Variants in CTNNA2 observed in about 807,000 individuals in gnomAD.
CTNNA2 encodes catenin alpha-2.
Under a neutral mutation model 101.0 loss-of-function variants are expected in CTNNA2, and 42 were observed. The ratio of observed to expected loss-of-function variants is 0.42; its 90% CI spans 0.32 to 0.54. The LOEUF is 0.54. Among genes scored for constraint, CTNNA2 ranks in the 20% least tolerant of loss-of-function variants. The pLI is 0.14. For missense variants in CTNNA2, 871 were observed against 1,223.1 expected (o/e 0.71, Z 4.29); for synonymous variants, 450 against 456.4 (o/e 0.99, Z 0.18).
chr2:79,896,463 G>A (rs1684722148), intron 6 of CTNNA2, among the ~76,000 whole-genome samples: 1 of 152,166 alleles, frequency 6.6e-6, no homozygotes, highest in African/African-American at 2.4e-5. Context: ...GTTCACTGTA[G>A]TGACCTATTT....
intron 18 of CTNNA2, among the ~76,000 whole-genome samples, chr2:80,623,424 A>AT (rs1285410686): frequency 3.3e-5 from 5 of 151,910 alleles, no homozygotes; most frequent in African/African-American, 1.2e-4. Flanking sequence ...AGAGGGAGGA[A>AT]TATCTCAGAA....
chr2:79,642,375 A>T (rs1181077418), intron 1 of CTNNA2, among the ~76,000 whole-genome samples: 1 of 152,226 alleles, frequency 6.6e-6, no homozygotes, highest in Non-Finnish European at 1.5e-5. Flanking sequence ...TAGACATTGC[A>T]TATCACTGCA....
intron 13 of CTNNA2, among the ~76,000 whole-genome samples, chr2:80,576,791 A>AAAAAC (rs1695091714): frequency 7.0e-6 from 1 of 142,352 alleles, no homozygotes; most frequent in Non-Finnish European, 1.5e-5. Flanking sequence ...TCTACTGAAA[A>AAAAAC]AAAAAAAAAA....
At chr2:79,381,500 G>C (rs886594396) in intron 4 of CTNNA2, among the ~76,000 whole-genome samples, 3 of 152,198 alleles carry the variant, frequency 2.0e-5, no homozygotes, top group Non-Finnish European at 4.4e-5. Flanking sequence ...AAATACACTT[G>C]AGTTGCATCT....
chr2:79,689,071 T>A (rs1684120961), intron 2 of CTNNA2, among the ~76,000 whole-genome samples: 2 of 151,458 alleles, frequency 1.3e-5, no homozygotes. Context: ...CAAACACAAC[T>A]GAAGACATCA....
At position 79,550,662 on chromosome 2, in the gene CTNNA2, T is replaced by C. The variant is rs140865467; in HGVS notation, c.-6+37455T>C. 5.3e-4 allele frequency among the ~76,000 whole-genome samples: 80 copies of C among 152,372 alleles called. 1 individual carries two copies. The East Asian group carries it at 8.9e-3, about 17-fold the overall frequency. Reference sequence around the variant, plus strand: ...TTTACTTATTCTTTCCTTTATTCTTTCATTCAGTATCTTTTTATACCAAAT... The same window carrying C: ...TTTACTTATTCTTTCCTTTATTCTTCCATTCAGTATCTTTTTATACCAAAT... On this transcript the variant is annotated intron_variant, in intron 1 of 18. Transcript: ENST00000402739.
chr2:79,952,735 C>T (rs1035340192), intron 7 of CTNNA2, among the ~76,000 whole-genome samples: 11 of 152,064 alleles, frequency 7.2e-5, no homozygotes, highest in Non-Finnish European at 1.2e-4. Flanking sequence ...TATGGCCTGG[C>T]GCATGTTTTT....
At chr2:79,282,172 G>A (rs910660494) in intron 2 of CTNNA2, among the ~76,000 whole-genome samples, 1 of 152,002 alleles carries the variant, frequency 6.6e-6, no homozygotes, top group African/African-American at 2.4e-5. Context: ...ACTTCCAAAT[G>A]TCTTAGAAAT....
In CTNNA2 at chr2:80,297,974, G is replaced by GT. The variant is rs1558979376; in HGVS notation, c.1057-95237_1057-95236insT. On this transcript the variant is annotated intron_variant, in intron 7 of 18. Transcript: ENST00000402739. ...ATGGTCACCTGCCTGCGCGTGTATG[G>GT]GTGTGTGTGTGTGGTTATATATGTG... Among the ~76,000 whole-genome samples the GT allele has an allele frequency of 1.1e-3, 171 of 151,206 alleles. 1 individual carries two copies. The highest frequency in any genetic ancestry group is 7.6e-3 in the East Asian group (39 of 5,118).
chr2:80,638,373 C>G (rs1673094385), intron 18 of CTNNA2, among the ~76,000 whole-genome samples: 1 of 152,060 alleles, frequency 6.6e-6, no homozygotes, highest in Non-Finnish European at 1.5e-5. Context: ...TTGCATAATT[C>G]CTCATGATTT....
At chr2:80,438,533 C>T (rs2149437859) in intron 9 of CTNNA2, among the ~76,000 whole-genome samples, 1 of 152,218 alleles carries the variant, frequency 6.6e-6, no homozygotes, top group South Asian at 2.1e-4. Context: ...AATTATTGCA[C>T]ACCCCAGAGA....
At chr2:79,848,501 T>A (rs1327880828) in intron 3 of CTNNA2, among the ~76,000 whole-genome samples, 1 of 152,164 alleles carries the variant, frequency 6.6e-6, no homozygotes, top group Non-Finnish European at 1.5e-5. Flanking sequence ...GGCTTCATAA[T>A]CTTTCTGGCT....
intron 4 of CTNNA2, among the ~76,000 whole-genome samples, chr2:79,394,641 G>A (rs1222909324): frequency 3.3e-5 from 5 of 152,140 alleles, no homozygotes; most frequent in Admixed American, 2.0e-4. Flanking sequence ...ACCTCACTCA[G>A]GAGTACCCTT....
chr2:80,425,632 G>A (rs1266809005), intron 9 of CTNNA2, among the ~76,000 whole-genome samples: 9 of 152,158 alleles, frequency 5.9e-5, no homozygotes, highest in Non-Finnish European at 1.2e-4. Flanking sequence ...CTATGAATCA[G>A]TGATGATGGT....
chr2:79,223,554 A>T (rs763836863), intron 2 of CTNNA2, among the ~76,000 whole-genome samples: 11 of 152,164 alleles, frequency 7.2e-5, no homozygotes, highest in Non-Finnish European at 1.5e-4. Context: ...GTCTATTTTC[A>T]GTAGGCACAT....
intron 1 of CTNNA2, among the ~76,000 whole-genome samples, chr2:79,636,442 TAGA>T (rs1680074782): frequency 6.6e-6 from 1 of 151,930 alleles, no homozygotes; most frequent in African/African-American, 2.4e-5. Context: ...GGCATGGGTC[TAGA>T]AGAAGAGGGT....
rs182094989 is a variant in CTNNA2 at position 80,315,395 on chromosome 2, T to C, written c.1057-77816T>C. Reference sequence around the variant, plus strand: ...GTTGACTGAAAGCTGTGGTGCTCGCTCAAGTGTCCATGATCAACTGGAAAA... The same window carrying C: ...GTTGACTGAAAGCTGTGGTGCTCGCCCAAGTGTCCATGATCAACTGGAAAA... On this transcript the variant is annotated intron_variant, in intron 7 of 18. Transcript: ENST00000402739. Among the ~76,000 whole-genome samples, 16 of 152,292 alleles carry C rather than the reference T, an allele frequency of 1.1e-4. No homozygotes were observed. The East Asian group carries it at 2.3e-3, about 22-fold the overall frequency.
At chr2:80,356,179 C>A (rs1404232840) in intron 7 of CTNNA2, among the ~76,000 whole-genome samples, 2 of 152,098 alleles carry the variant, frequency 1.3e-5, no homozygotes, top group African/African-American at 2.4e-5. Context: ...ATAGCTTTGA[C>A]CAATGGTTAG....
intron 1 of CTNNA2, among the ~76,000 whole-genome samples, chr2:79,530,492 G>A (rs1371370376): frequency 7.0e-6 from 1 of 142,592 alleles, no homozygotes; most frequent in African/African-American, 2.7e-5. Flanking sequence ...TGCCTCACTG[G>A]TTGATTTTTT....
Sources: allele counts gnomAD v4.1 joint callset (sites outside exome capture counted in the v4.1 genomes callset), GRCh38; gene constraint gnomAD v4.1.1; transcripts MANE v1.5; gene names NCBI Gene and HGNC (gene_info 2026-07-23, HGNC 2026-07-21).